RAPGEF1: variants seen among roughly 807,000 people sequenced by gnomAD.
The protein encoded by RAPGEF1 is Rap guanine nucleotide exchange factor 1, also known as CRK SH3-binding GNRP.
Under a neutral mutation model 143.3 loss-of-function variants are expected in RAPGEF1, and 33 were observed. The ratio of observed to expected loss-of-function variants is 0.23; its 90% CI spans 0.17 to 0.31. RAPGEF1 has a LOEUF of 0.31. Among genes scored for constraint, RAPGEF1 ranks in the 10% least tolerant of loss-of-function variants. The pLI is 1.00. For missense variants in RAPGEF1, 1,199 were observed against 1,645.4 expected (o/e 0.73, Z 4.69); for synonymous variants, 629 against 676.5 (o/e 0.93, Z 1.09).
rs543624447 is a variant in RAPGEF1, at chr9:131,588,039, G to C, written c.3054-13C>G. 6.2e-7 allele frequency: 1 copy of C among 1,608,340 alleles called. No homozygotes were observed. Among genetic ancestry groups the C allele is most frequent in the Non-Finnish European group, 8.5e-7 (1 of 1,177,290 alleles). ...CAAGGTCCCCGGCCTGGAAGACAGA[G>C]GTGTGAGAAGAGCCGTCAGGGGTGG... On this transcript the variant is annotated splice_polypyrimidine_tract_variant and intron_variant, in intron 20 of 26. Coordinates refer to ENST00000683357, the MANE Select transcript of RAPGEF1 (RefSeq NM_001377935.1).
intron 1 of RAPGEF1, among the ~76,000 whole-genome samples, chr9:131,666,121 A>G (rs1250533527): frequency 6.6e-6 from 1 of 152,240 alleles, no homozygotes; most frequent in Non-Finnish European, 1.5e-5. Context: ...GTAATATCAG[A>G]GATGTAGATA....
intron 17 of RAPGEF1, among the ~76,000 whole-genome samples, chr9:131,593,598 T>C (rs1954734420): frequency 6.6e-6 from 1 of 152,176 alleles, no homozygotes. Flanking sequence ...AGCTGAGTCA[T>C]GCTGGCTTGG....
At chr9:131,694,798 T>C (rs965686453) in intron 1 of RAPGEF1, among the ~76,000 whole-genome samples, 2 of 38,810 alleles carry the variant, frequency 5.2e-5, no homozygotes, top group African/African-American at 3.1e-4. Flanking sequence ...TCACACTTTC[T>C]TTTTTTTTTT....
intron 1 of RAPGEF1, among the ~76,000 whole-genome samples, chr9:131,662,551 G>GGT (rs762661675): frequency 8.5e-5 from 11 of 129,946 alleles, no homozygotes; most frequent in South Asian, 5.5e-4. Flanking sequence ...GTTTTATTTT[G>GGT]TTTTTTTTTT....
At chr9:131,666,769 T>A (rs1211981984) in intron 1 of RAPGEF1, among the ~76,000 whole-genome samples, 2 of 152,232 alleles carry the variant, frequency 1.3e-5, no homozygotes, top group African/African-American at 4.8e-5. Flanking sequence ...CTATTTACCT[T>A]CTTTTTCTTT....
At chr9:131,733,961 T>C (rs1837257038) in intron 1 of RAPGEF1, among the ~76,000 whole-genome samples, 1 of 152,214 alleles carries the variant, frequency 6.6e-6, no homozygotes, top group Non-Finnish European at 1.5e-5. Flanking sequence ...GGGGTTGCTG[T>C]GGTTGATTTT....
chr9:131,732,176 G>A (rs1311225122), intron 1 of RAPGEF1, among the ~76,000 whole-genome samples: 3 of 151,934 alleles, frequency 2.0e-5, no homozygotes, highest in Admixed American at 6.6e-5. Flanking sequence ...ACGCTGCACA[G>A]TCATCCTGGG....
intron 1 of RAPGEF1, among the ~76,000 whole-genome samples, chr9:131,703,077 C>T (rs1589053763): frequency 6.6e-6 from 1 of 152,306 alleles, no homozygotes; most frequent in Admixed American, 6.5e-5. Context: ...GGCTGAAGTG[C>T]GGGGAGGATC....
intron 1 of RAPGEF1, among the ~76,000 whole-genome samples, chr9:131,715,693 A>G (rs191996271): frequency 7.2e-5 from 11 of 151,976 alleles, no homozygotes; most frequent in South Asian, 2.1e-4. Context: ...GTGAAACCCC[A>G]TCTCTACTGA....
At chr9:131,723,401 T>C (rs1400253435) in intron 1 of RAPGEF1, among the ~76,000 whole-genome samples, 2 of 152,154 alleles carry the variant, frequency 1.3e-5, no homozygotes, top group Non-Finnish European at 1.5e-5. Flanking sequence ...CCATAACTTT[T>C]CTACCTTGCA....
rs575236311 is a variant in RAPGEF1, at chr9:131,628,246, A to G, written c.1018-150T>C. The G allele has an allele frequency of 1.4e-5, 12 of 843,362 alleles. No homozygotes were observed. Among genetic ancestry groups the G allele is most frequent in the African/African-American group, 8.6e-5 (5 of 58,424 alleles). The allele number at this position is 843,362 out of a possible 1,614,324, so 52.2% of individuals were successfully genotyped here. On this transcript the variant is annotated intron_variant, in intron 8 of 26. Transcript: ENST00000683357. This position sits in a 1 kb window ranked among gnomAD's most constrained non-coding sequence, Gnocchi z 5.7. Reference sequence around the variant, plus strand: ...TCTGACGTCAGTAGTCGAAGGACACATACAGCTGAGAAGCAGCCATCTGGA... The same window carrying G: ...TCTGACGTCAGTAGTCGAAGGACACGTACAGCTGAGAAGCAGCCATCTGGA...
rs1832245009 is a variant in RAPGEF1, at chr9:131,675,836, A to G, written c.62-24887T>C. ...GATGAAGAAACTAAAGCTCAGAGAA[A>G]AGAACTAGGTGCAAAGTCACAGCAT... On this transcript the variant is annotated intron_variant, in intron 1 of 26. Transcript: ENST00000683357. This position sits in a 1 kb window ranked among gnomAD's most constrained non-coding sequence, Gnocchi z 4.6. 6.6e-6 allele frequency among the ~76,000 whole-genome samples: 1 copy of G among 152,360 alleles called. No homozygotes were observed. The highest frequency in any genetic ancestry group is 2.4e-5 in the African/African-American group (1 of 41,580).
chr9:131,596,393 G>A lies in RAPGEF1; in HGVS notation c.2614-20C>T, dbSNP rs377338938. The A allele has an allele frequency of 1.1e-5, 17 of 1,613,362 alleles. No homozygotes were observed. The African/African-American group carries it at 2.1e-4, about 20-fold the overall frequency. On this transcript the variant is annotated intron_variant, in intron 16 of 26. Coordinates refer to ENST00000683357, the MANE Select transcript of RAPGEF1 (RefSeq NM_001377935.1). ...ATCACCCTGTAATGAACACAGCCAA[G>A]GAAGGTATGAGGCAGAGTATGCCCT...
At chr9:131,615,565 G>A (rs928873691) in intron 12 of RAPGEF1, among the ~76,000 whole-genome samples, 84 of 152,318 alleles carry the variant, frequency 5.5e-4, no homozygotes, top group African/African-American at 1.9e-3. Flanking sequence ...TCCAGGCCCG[G>A]CAGAGCCTGC....
At chr9:131,676,721 G>A (rs186128228) in intron 1 of RAPGEF1, among the ~76,000 whole-genome samples, 1 of 152,330 alleles carries the variant, frequency 6.6e-6, no homozygotes, top group African/African-American at 2.4e-5. Flanking sequence ...GGACAAACCT[G>A]GCCTTCTGTG....
chr9:131,626,580 TCTCC>T (rs1245901349), intron 9 of RAPGEF1, among the ~76,000 whole-genome samples, 158 bp from the exon 10 acceptor site: 1 of 152,148 alleles, frequency 6.6e-6, no homozygotes, highest in African/African-American at 2.4e-5. Context: ...TCTTCATTCT[TCTCC>T]CTGATTATAA....
rs1951433155 is a variant in RAPGEF1 at position 131,578,457 on chromosome 9, T to G, written c.*1040A>C. The G allele has an allele frequency of 6.6e-6, 1 of 152,362 alleles. No homozygotes were observed. Among genetic ancestry groups the G allele is most frequent in the South Asian group, 2.1e-4 (1 of 4,832 alleles). The allele number at this position is 152,362 out of a possible 1,614,324, so 9.4% of individuals were successfully genotyped here. The stretch of plus-strand genomic sequence containing the variant: ...GGATGCCCTTCCCTCCCAGGGGCAC[T>G]GACAGCACTGGCTGAAAGGTCTGAA... On this transcript the variant is annotated 3_prime_UTR_variant, in exon 27 of 27. Transcript: ENST00000683357.
intron 1 of RAPGEF1, among the ~76,000 whole-genome samples, chr9:131,695,041 A>G (rs1834057245): frequency 7.3e-6 from 1 of 136,962 alleles, no homozygotes; most frequent in South Asian, 2.4e-4. Context: ...CATGCAACTC[A>G]CTAACGGATA....
At chr9:131,693,530 A>G (rs1833928219) in intron 1 of RAPGEF1, among the ~76,000 whole-genome samples, 1 of 152,160 alleles carries the variant, frequency 6.6e-6, no homozygotes. Flanking sequence ...TTTAACCTTT[A>G]TAAGAAAAGT....
Sources: gnomAD v4.1 joint callset for allele counts (sites outside exome capture counted in the v4.1 genomes callset) on GRCh38, gnomAD v4.1.1 for gene constraint, Gnocchi (gnomAD v3.1) non-coding constraint, MANE v1.5 for transcripts, NCBI Gene and HGNC (gene_info 2026-07-23, HGNC 2026-07-21) for gene names.